The following PDZD8 variants were observed in gnomAD, a reference collection of about 807,000 sequenced individuals.
PDZD8 encodes the protein PDZ domain containing 8, also known as PDZ domain-containing protein 8.
In PDZD8, 14 loss-of-function variants were observed where a neutral mutation model predicts 85.8. That is an observed-to-expected ratio of 0.16 (90% CI 0.11 to 0.26). The LOEUF (loss-of-function observed/expected upper bound fraction) is 0.26. Ranked by LOEUF, PDZD8 falls within the 10% of genes least tolerant of loss-of-function variation. The pLI is 1.00. For missense variants in PDZD8, 1,197 were observed against 1,424.3 expected, an observed-to-expected ratio of 0.84 and a Z score of 2.57; for synonymous variants, 592 against 568.6, an observed-to-expected ratio of 1.04 and a Z score of -0.59.
rs1844563109 is a variant in PDZD8 at position 117,280,678 on chromosome 10, C to T, written c.*2590G>A. 1 of 152,164 alleles carries T rather than the reference C, an allele frequency of 6.6e-6. No individual in the cohort carries two copies. Among genetic ancestry groups the T allele is most frequent in the Admixed American group, 6.5e-5 (1 of 15,280 alleles). The allele number at this position is 152,164 out of a possible 1,614,324, so 9.4% of individuals were successfully genotyped here. ...TACAACTATGATGTCTCTACTGCCT[C>T]TCCCAGTGAAATATAAAAATATTGC... is the stretch of plus-strand genomic sequence containing the variant. On this transcript the variant is annotated 3_prime_UTR_variant, in exon 5 of 5. Coordinates refer to ENST00000334464, the MANE Select transcript of PDZD8 (RefSeq NM_173791.5).
At chr10:117,311,960 C>T (rs529692199) in intron 3 of PDZD8, among the ~76,000 whole-genome samples, 2 of 152,014 alleles carry the variant, frequency 1.3e-5, no homozygotes, top group South Asian at 4.2e-4. Context: ...CTGTCAGACA[C>T]ATTGTCCAAT....
chr10:117,303,435 G>C (rs776894447), intron 3 of PDZD8, among the ~76,000 whole-genome samples: 31 of 152,280 alleles, frequency 2.0e-4, no homozygotes, highest in Non-Finnish European at 4.0e-4. Flanking sequence ...TTTTATAAGG[G>C]AAACAGAGCA....
At chr10:117,356,390 GAAT>G (rs1839556856) in intron 1 of PDZD8, among the ~76,000 whole-genome samples, 3 of 152,042 alleles carry the variant, frequency 2.0e-5, no homozygotes, top group Admixed American at 1.3e-4. Context: ...CAAGACACAC[GAAT>G]AATAATTTAT....
intron 1 of PDZD8, among the ~76,000 whole-genome samples, chr10:117,354,311 T>C (rs560292088): frequency 6.7e-4 from 102 of 152,350 alleles, no homozygotes; most frequent in Non-Finnish European, 9.7e-4. Flanking sequence ...TACTAAGATT[T>C]AGAGTTCACA....
intron 2 of PDZD8, among the ~76,000 whole-genome samples, chr10:117,328,462 A>G (rs1844356137): frequency 6.6e-6 from 1 of 151,810 alleles, no homozygotes; most frequent in African/African-American, 2.4e-5. Context: ...CCCAGGCTAG[A>G]GTGAAGCACT....
chr10:117,291,650 A>C (rs1844767558), intron 3 of PDZD8, among the ~76,000 whole-genome samples: 1 of 151,836 alleles, frequency 6.6e-6, no homozygotes, highest in African/African-American at 2.4e-5. Context: ...TTCAAGACCA[A>C]CCTGGGCAAC....
chr10:117,312,688 T>C (rs952686536), intron 3 of PDZD8, among the ~76,000 whole-genome samples: 1 of 152,168 alleles, frequency 6.6e-6, no homozygotes, highest in African/African-American at 2.4e-5. Flanking sequence ...ACTATCCTTA[T>C]TGTTTACTTT....
intron 1 of PDZD8, among the ~76,000 whole-genome samples, chr10:117,367,339 A>G (rs1273952441): frequency 6.6e-6 from 1 of 152,018 alleles, no homozygotes; most frequent in Admixed American, 6.5e-5. Flanking sequence ...TGAACCCGGG[A>G]GGTGGAGGTT....
intron 3 of PDZD8, among the ~76,000 whole-genome samples, chr10:117,311,008 G>A (rs79627007): frequency 0.032 from 4,906 of 152,166 alleles, 88 homozygotes; most frequent in South Asian, 0.039. Flanking sequence ...GACAGAGGTG[G>A]GCTTGTAGGT....
intron 3 of PDZD8, among the ~76,000 whole-genome samples, chr10:117,307,372 A>G (rs1278335983): frequency 6.6e-6 from 1 of 152,036 alleles, no homozygotes; most frequent in Non-Finnish European, 1.5e-5. Context: ...ACAAAAATTA[A>G]AAATCTGCTT....
rs1341359124 is a variant in PDZD8, at chr10:117,282,444, CTA to C, written c.*822_*823del. On this transcript the variant is annotated 3_prime_UTR_variant, in exon 5 of 5. Transcript: ENST00000334464. ...TTTTAAAAGATTATATTTCAAAATG[CTA>C]TGTTACTGTTTTTCAGTAATTAAGT... is the stretch of plus-strand genomic sequence containing the variant. The C allele has an allele frequency of 6.6e-6, 1 of 152,048 alleles. No individual in the cohort carries two copies. Among genetic ancestry groups the C allele is most frequent in the Non-Finnish European group, 1.5e-5 (1 of 68,000 alleles). The allele number at this position is 152,048 out of a possible 1,614,324, so 9.4% of individuals were successfully genotyped here.
chr10:117,346,853 C>T (rs1844717587), intron 1 of PDZD8, among the ~76,000 whole-genome samples: 1 of 151,874 alleles, frequency 6.6e-6, no homozygotes, highest in South Asian at 2.1e-4. Flanking sequence ...GGTGGGAGGG[C>T]CAGTCTTTTT....
At chr10:117,342,393 T>C (rs371853277) in intron 1 of PDZD8, among the ~76,000 whole-genome samples, 50 of 145,572 alleles carry the variant, frequency 3.4e-4, no homozygotes, top group Non-Finnish European at 4.1e-4. Flanking sequence ...CACAAACAGA[T>C]ACACACACAC....
chr10:117,284,289 G>T lies in PDZD8; in HGVS notation c.2444C>A (p.Pro815His). 6.2e-7 allele frequency: 1 copy of T among 1,613,768 alleles called. No homozygotes were observed. Among genetic ancestry groups the T allele is most frequent in the Non-Finnish European group, 8.5e-7 (1 of 1,179,972 alleles). The change falls in exon 5 of 5, where the codon CCC becomes CAC. Residue 815 changes from proline to histidine, a missense_variant. Transcript: ENST00000334464. ...VVTNVEKEKE[P>H]HLVEEVSVLP... ...AACAGAAACTTCTTCAACCAAATGGGGTTCTTTTTCTTTTTCTACGTTAGT... is the reference window on the plus strand; with the variant it reads ...AACAGAAACTTCTTCAACCAAATGGTGTTCTTTTTCTTTTTCTACGTTAGT...
chr10:117,318,176 G>A (rs1270514151), intron 3 of PDZD8, among the ~76,000 whole-genome samples: 2 of 152,138 alleles, frequency 1.3e-5, no homozygotes, highest in East Asian at 3.9e-4. Flanking sequence ...CTGAAATTCA[G>A]ATTTAACTGG....
intron 1 of PDZD8, among the ~76,000 whole-genome samples, chr10:117,368,099 T>A (rs1845121114): frequency 6.6e-6 from 1 of 152,206 alleles, no homozygotes; most frequent in Non-Finnish European, 1.5e-5. Context: ...ACTAACCCTA[T>A]AATAGCATGA....
At chr10:117,329,915 C>T (rs956919836) in intron 2 of PDZD8, among the ~76,000 whole-genome samples, 1 of 147,596 alleles carries the variant, frequency 6.8e-6, no homozygotes, top group African/African-American at 2.5e-5. Context: ...CACTGCACTC[C>T]AGTCTTGGTG....
intron 1 of PDZD8, among the ~76,000 whole-genome samples, chr10:117,351,741 GCAGTGGTGTGAT>G (rs1844809450): frequency 6.6e-6 from 1 of 152,138 alleles, no homozygotes. Flanking sequence ...AGGCTGGAAT[GCAGTGGTGTGAT>G]CATGGCTCAC....
intron 1 of PDZD8, among the ~76,000 whole-genome samples, chr10:117,347,434 C>T (rs1844727909): frequency 6.6e-6 from 1 of 152,116 alleles, no homozygotes; most frequent in Non-Finnish European, 1.5e-5. Context: ...AGTTGTCCTG[C>T]CTTTCTGGAC....
Sources: allele counts gnomAD v4.1 joint callset (sites outside exome capture counted in the v4.1 genomes callset), GRCh38; gene constraint gnomAD v4.1.1; transcripts MANE v1.5; gene names NCBI Gene and HGNC (gene_info 2026-07-23, HGNC 2026-07-21).